PIK3CA: variants seen among roughly 807,000 people sequenced by gnomAD.
PIK3CA encodes phosphatidylinositol 4,5-bisphosphate 3-kinase catalytic subunit alpha isoform.
Under a neutral mutation model 138.2 loss-of-function variants are expected in PIK3CA, and 27 were observed. The ratio of observed to expected loss-of-function variants is 0.20; its 90% CI spans 0.14 to 0.27. PIK3CA has a LOEUF of 0.27. Among genes scored for constraint, PIK3CA ranks in the 10% least tolerant of loss-of-function variants. The pLI, the probability that PIK3CA is intolerant of heterozygous loss-of-function variation, is 1.00. For missense variants in PIK3CA, 544 were observed against 1,277.4 expected (o/e 0.43, Z 8.75); for synonymous variants, 358 against 413.2 (o/e 0.87, Z 1.62).
intron 6 of PIK3CA, among the ~76,000 whole-genome samples, chr3:179,206,264 G>A (rs1444275809): frequency 6.6e-6 from 1 of 151,846 alleles, no homozygotes. Flanking sequence ...CACCATGTTG[G>A]CCAGGCTGGT....
intron 1 of PIK3CA, among the ~76,000 whole-genome samples, chr3:179,166,933 AT>A (rs888553770): frequency 2.0e-4 from 30 of 152,270 alleles, no homozygotes; most frequent in African/African-American, 6.5e-4. Flanking sequence ...TAAAAGAAAC[AT>A]TTTAGATAAT....
At position 179,240,082 on chromosome 3, in the gene PIK3CA, AAAG is replaced by A; in HGVS notation, c.*5721_*5723del. 15 of 1,521,356 alleles carry A rather than the reference AAAG, an allele frequency of 9.9e-6. No individual in the cohort carries two copies. The highest frequency in any genetic ancestry group is 2.5e-5 in the South Asian group (2 of 79,806). 94.2% of individuals were successfully genotyped at this position (1,521,356 alleles called of 1,614,324 possible). On this transcript the variant is annotated 3_prime_UTR_variant, in exon 21 of 21. Transcript: ENST00000263967. Reference sequence around the variant, plus strand: ...ACATCACGCTGTTTATTAAAAAAAAAAAGAAAAATTACTTTTTGTGTCCAAACA... The same window carrying A: ...ACATCACGCTGTTTATTAAAAAAAAAAAAAATTACTTTTTGTGTCCAAACA...
Position 179,154,600 on chromosome 3 carries a change from G to A in PIK3CA, c.-77+5997G>A, listed in dbSNP as rs115737353. Among the ~76,000 whole-genome samples the A allele has an allele frequency of 9.1e-3, 1,388 of 152,292 alleles. 32 individuals are homozygous for A. The highest frequency in any genetic ancestry group is 0.032 in the African/African-American group (1,325 of 41,556). On this transcript the variant is annotated intron_variant, in intron 1 of 20. Transcript: ENST00000263967. ...TACTTTGTATATGTATATGGTGGGG[G>A]ACAGATTGTAACACATTTTTGTGTC... is the stretch of plus-strand genomic sequence containing the variant.
At chr3:179,175,320 A>G (rs1161459037) in intron 1 of PIK3CA, among the ~76,000 whole-genome samples, 2 of 152,218 alleles carry the variant, frequency 1.3e-5, no homozygotes, top group Non-Finnish European at 1.5e-5. Flanking sequence ...TTGCTCTGGT[A>G]TCTTCCAGCT....
At chr3:179,208,947 CTT>C (rs1458811342) in intron 6 of PIK3CA, among the ~76,000 whole-genome samples, 1 of 147,862 alleles carries the variant, frequency 6.8e-6, no homozygotes, top group Non-Finnish European at 1.5e-5. Flanking sequence ...TTTAGTTTTC[CTT>C]TTGTTTGACT....
In PIK3CA at chr3:179,234,454, T is replaced by A. The variant is rs1401713180; in HGVS notation, c.*90T>A. 3 of 1,022,922 alleles carry A rather than the reference T, an allele frequency of 2.9e-6. No individual in the cohort carries two copies. The highest frequency in any genetic ancestry group is 4.3e-6 in the Non-Finnish European group (3 of 697,438). The allele number at this position is 1,022,922 out of a possible 1,614,324, so 63.4% of individuals were successfully genotyped here. A position where few individuals can be genotyped will look rare whatever the true frequency, so the allele number is the denominator to read the frequency against. The stretch of plus-strand genomic sequence containing the variant: ...AGGCAAAGACCGATTGCATAGGAAT[T>A]GCACAATCCATGAACAGCATTAGAA... On this transcript the variant is annotated 3_prime_UTR_variant, in exon 21 of 21. Transcript: ENST00000263967. The surrounding 1 kb of genome is among the most constrained non-coding windows in gnomAD (Gnocchi z 5.1).
chr3:179,212,770 A>G (rs1724748071), intron 9 of PIK3CA, among the ~76,000 whole-genome samples: 2 of 152,190 alleles, frequency 1.3e-5, no homozygotes, highest in Admixed American at 6.5e-5. Flanking sequence ...TAGTATCAGT[A>G]AATACAGTAC....
intron 1 of PIK3CA, among the ~76,000 whole-genome samples, chr3:179,188,213 G>A (rs1381696331): frequency 1.3e-5 from 2 of 152,100 alleles, no homozygotes. Context: ...ATGTTTCCAG[G>A]TTCCTTGGTT....
Position 179,179,848 on chromosome 3 carries a change from G to T in PIK3CA, c.-76-18902G>T, listed in dbSNP as rs567528741. Among the ~76,000 whole-genome samples the T allele has an allele frequency of 6.6e-5, 10 of 152,260 alleles. No individual in the cohort carries two copies. In the South Asian group the frequency reaches 1.7e-3, roughly 25 times the overall value. The stretch of plus-strand genomic sequence containing the variant: ...TTCAAAAGTTCATCTGGAATTATCA[G>T]CCAAGTTTAATAAGACTGTGAAGGG... On this transcript the variant is annotated intron_variant, in intron 1 of 20. Transcript: ENST00000263967.
At chr3:179,207,330 T>C (rs1009307468) in intron 6 of PIK3CA, among the ~76,000 whole-genome samples, 1 of 152,080 alleles carries the variant, frequency 6.6e-6, no homozygotes, top group African/African-American at 2.4e-5. Flanking sequence ...ATTGAGCATG[T>C]GTATATGTGT....
chr3:179,204,403 C>T, intron 5 of PIK3CA, 100 bp from the exon 6 acceptor site: 1 of 571,386 alleles, frequency 1.8e-6, no homozygotes. Context: ...CAAGCTATAT[C>T]TGAACAAAAA....
chr3:179,152,917 A>C (rs968855436), intron 1 of PIK3CA, among the ~76,000 whole-genome samples: 1 of 152,182 alleles, frequency 6.6e-6, no homozygotes, highest in Non-Finnish European at 1.5e-5. Context: ...CTATTCACAC[A>C]TATATAATAA....
intron 1 of PIK3CA, among the ~76,000 whole-genome samples, chr3:179,166,952 GTCTTGTAATA>G (rs1173207585): frequency 6.6e-6 from 1 of 152,022 alleles, no homozygotes; most frequent in Non-Finnish European, 1.5e-5. Context: ...AATTAGAGTC[GTCTTGTAATA>G]TCTTATACCC....
In PIK3CA at chr3:179,235,449, TC is replaced by T. The variant is rs1725315401; in HGVS notation, c.*1086del. On this transcript the variant is annotated 3_prime_UTR_variant, in exon 21 of 21. Coordinates refer to ENST00000263967, the MANE Select transcript of PIK3CA (RefSeq NM_006218.4). ...TTTCTTCTTGATCTATAGATGAGGC[TC>T]AGGCACTATCCCATTTATACCAATA... 5.3e-6 allele frequency: 1 copy of T among 188,500 alleles called. No individual in the cohort carries two copies. The highest frequency in any genetic ancestry group is 1.1e-5 in the Non-Finnish European group (1 of 89,538). The allele number at this position is 188,500 out of a possible 1,614,324, so 11.7% of individuals were successfully genotyped here.
At chr3:179,185,451 C>T (rs1441395832) in intron 1 of PIK3CA, among the ~76,000 whole-genome samples, 1 of 152,236 alleles carries the variant, frequency 6.6e-6, no homozygotes, top group Non-Finnish European at 1.5e-5. Flanking sequence ...TTTCTCCCCA[C>T]CAACAATCAG....
chr3:179,231,681 G>A (rs1576948782), intron 20 of PIK3CA, among the ~76,000 whole-genome samples: 1 of 95,522 alleles, frequency 1.0e-5, no homozygotes, highest in East Asian at 3.4e-4. Flanking sequence ...CACTCTTGTT[G>A]CCCAGGCTGG....
chr3:179,176,409 T>A (rs1723698692), intron 1 of PIK3CA, among the ~76,000 whole-genome samples: 1 of 152,158 alleles, frequency 6.6e-6, no homozygotes, highest in Non-Finnish European at 1.5e-5. Flanking sequence ...TTGTTTGTTG[T>A]TTGTTTTTTC....
At position 179,201,523 on chromosome 3, in the gene PIK3CA, C is replaced by T. The variant is rs758142827; in HGVS notation, c.796C>T (p.Pro266Ser). ...TGATGAATACTTCCTAGAAAAATAT[C>T]CTCTGAGTCAGTATAAGGTGAGTAA... Reference protein sequence around the residue: ...GCDEYFLEKYPLSQYKYIRSC... With the variant: ...GCDEYFLEKYSLSQYKYIRSC... The change falls in exon 4 of 21, where the codon CCT (proline) becomes TCT (serine). Residue 266 changes from proline (P) to serine (S), a missense_variant. Around this residue, in one of 14 missense-constraint regions of PIK3CA, gnomAD observed 234 missense variants for 401.3 expected, o/e 0.58. Transcript: ENST00000263967. 3 of 1,601,034 alleles carry T rather than the reference C, an allele frequency of 1.9e-6. No individual in the cohort carries two copies. The highest frequency in any genetic ancestry group is 1.1e-5 in the South Asian group (1 of 90,688).
intron 1 of PIK3CA, among the ~76,000 whole-genome samples, chr3:179,187,537 CA>C (rs375116506): frequency 0.14 from 8,825 of 63,328 alleles, 276 homozygotes; most frequent in South Asian, 0.28. Context: ...GACTCCGCCT[CA>C]AAAAAAAAAA....
Sources: gnomAD v4.1 joint callset for allele counts (sites outside exome capture counted in the v4.1 genomes callset) on GRCh38, gnomAD v4.1.1 for gene constraint, gnomAD v4.1.1 regional missense constraint, Gnocchi (gnomAD v3.1) non-coding constraint, MANE v1.5 for transcripts, NCBI Gene and HGNC (gene_info 2026-07-23, HGNC 2026-07-21) for gene names.